ADGRE5: variants seen among roughly 807,000 people sequenced by gnomAD.
ADGRE5 encodes adhesion G protein-coupled receptor E5, also known as CD97 molecule.
A neutral mutation model predicts 100.3 loss-of-function variants in ADGRE5; 72 were observed. That is an observed-to-expected ratio of 0.72 (90% CI 0.59 to 0.87). The LOEUF (loss-of-function observed/expected upper bound fraction) is 0.87, where lower values mean the gene tolerates loss of function less well. Ranked by LOEUF, ADGRE5 falls within the 40% of genes least tolerant of loss-of-function variation. The pLI, the probability that ADGRE5 is intolerant of heterozygous loss-of-function variation, is 0.00. For synonymous variants in ADGRE5, 439 were observed against 447.8 expected (o/e 0.98, Z 0.25); for missense variants, 959 against 1,094.7 (o/e 0.88, Z 1.75).
At position 14,407,084 on chromosome 19, in the gene ADGRE5, C is replaced by A; in HGVS notation, c.2231C>A (p.Ala744Glu). ...AGGGCGCTGACCATCACGGCCATCG[C>A]GCAGCTCTTCCTGTTGGGCTGCACC... ...KARALTITAI[A>E]QLFLLGCTWV... Residue 744 changes from alanine to glutamate, a missense_variant, in exon 18 of 20, where the codon GCG (alanine) becomes GAG (glutamate). This residue lies in a region of ADGRE5 where 428 missense variants were observed against 386.2 expected (regional missense o/e 1.11). Coordinates refer to ENST00000242786, the MANE Select transcript of ADGRE5 (RefSeq NM_078481.4). 1 of 1,614,146 alleles carries A rather than the reference C, an allele frequency of 6.2e-7. No homozygotes were observed. Among genetic ancestry groups the A allele is most frequent in the East Asian group, 2.2e-5 (1 of 44,884 alleles).
At chr19:14,402,503 G>A (rs907940293) in intron 11 of ADGRE5, 94 bp from the exon 12 acceptor site, 2 of 1,308,252 alleles carry the variant, frequency 1.5e-6, no homozygotes, top group Non-Finnish European at 2.2e-6. Flanking sequence ...CATCGTGGTG[G>A]ACTGGCTGAG....
At chr19:14,386,498 C>G (rs1378196263) in intron 1 of ADGRE5, 2 of 149,796 alleles carry the variant, frequency 1.3e-5, no homozygotes, top group African/African-American at 4.9e-5. Context: ...AGACTACCAT[C>G]CTGGCTAACA....
At position 14,407,211 on chromosome 19, in the gene ADGRE5, C is replaced by T; in HGVS notation, c.2358C>T (p.His786=). 1.2e-6 allele frequency: 2 copies of T among 1,614,060 alleles called. No individual in the cohort carries two copies. The highest frequency in any genetic ancestry group is 1.7e-6 in the Non-Finnish European group (2 of 1,179,994). The change falls in exon 18 of 20, where the codon CAC becomes CAT. Residue 786 remains histidine, a synonymous_variant. Coordinates refer to ENST00000242786, the MANE Select transcript of ADGRE5 (RefSeq NM_078481.4). ...AGGGCGCCTTCCTCTACCTGCTGCA[C>T]TGCCTGCTCAACAAGAAGGTGGGGG... ...CLQGAFLYLL[H]CLLNKKVREE... is the part of the protein sequence containing the mutation.
chr19:14,398,445 A>G (rs1975870463), intron 9 of ADGRE5: 3 of 336,724 alleles, frequency 8.9e-6, no homozygotes, highest in African/African-American at 4.2e-5. Flanking sequence ...CGAGGTGGGC[A>G]GATCACGCGG....
At chr19:14,405,464 G>A (rs1034923808) in intron 13 of ADGRE5, 44 of 378,116 alleles carry the variant, frequency 1.2e-4, no homozygotes, top group Non-Finnish European at 1.0e-4. Flanking sequence ...CTTTCTGTAC[G>A]TGACTTCAGT....
intron 6 of ADGRE5, 30 bp downstream of exon 6, chr19:14,397,253 G>T (rs375453281): frequency 6.2e-7 from 1 of 1,613,828 alleles, no homozygotes; most frequent in African/African-American, 1.3e-5. Flanking sequence ...CGTTTCTAGC[G>T]ACCCACAAAC....
intron 4 of ADGRE5, among the ~76,000 whole-genome samples, chr19:14,394,045 G>A (rs567075436): frequency 8.5e-5 from 13 of 152,242 alleles, no homozygotes; most frequent in African/African-American, 2.9e-4. Flanking sequence ...TAGGGGTGCC[G>A]CCCACCCACT....
In ADGRE5 at chr19:14,406,670, C is replaced by T. The variant is rs769972890; in HGVS notation, c.2049-30C>T. On this transcript the variant is annotated intron_variant, in intron 15 of 19. Coordinates refer to ENST00000242786, the MANE Select transcript of ADGRE5 (RefSeq NM_078481.4). This position sits in a 1 kb window ranked among gnomAD's most constrained non-coding sequence, Gnocchi z 6.0. ...CCGTTCCGCTCCTGGCTTCCTGGGG[C>T]ACTGATGGGACCCCTCCCTTCCCTC... 1.9e-6 allele frequency: 3 copies of T among 1,612,272 alleles called. No homozygotes were observed. Among genetic ancestry groups the T allele is most frequent in the East Asian group, 2.2e-5 (1 of 44,846 alleles).
chr19:14,385,871 G>A (rs2146344907), intron 1 of ADGRE5, among the ~76,000 whole-genome samples: 1 of 151,450 alleles, frequency 6.6e-6, no homozygotes, highest in South Asian at 2.1e-4. Context: ...CTTAGTTCAA[G>A]CGATTCTCAA....
intron 12 of ADGRE5, 97 bp downstream of exon 12, chr19:14,402,959 CTT>C: frequency 1.6e-6 from 2 of 1,225,136 alleles, no homozygotes; most frequent in South Asian, 1.4e-5. Context: ...GTGACTCAGT[CTT>C]TTATGTTTCT....
In ADGRE5 at chr19:14,408,105, C is replaced by T. The variant is rs750501079; in HGVS notation, c.2492C>T (p.Ser831Leu). 1 of 1,613,620 alleles carries T rather than the reference C, an allele frequency of 6.2e-7. No individual in the cohort carries two copies. The highest frequency in any genetic ancestry group is 8.5e-7 in the Non-Finnish European group (1 of 1,180,004). Residue 831 changes from serine (S) to leucine (L), a missense_variant, in exon 20 of 20, where the codon TCA (serine) becomes TTA (leucine). By Grantham distance (145) the Ser-to-Leu change is moderately radical. Transcript: ENST00000242786. Reference protein sequence around the residue: ...GHNQTRALRASESGI With the variant: ...GHNQTRALRALESGI Reference sequence around the variant, plus strand: ...TCTCCTCTCCAGGCCCTCAGGGCATCAGAGTCCGGCATATGAAGGCGCATG... The same window carrying T: ...TCTCCTCTCCAGGCCCTCAGGGCATTAGAGTCCGGCATATGAAGGCGCATG...
intron 1 of ADGRE5, 120 bp downstream of exon 1, chr19:14,381,665 T>C: frequency 2.4e-6 from 3 of 1,228,452 alleles, no homozygotes; most frequent in Non-Finnish European, 2.2e-6. Flanking sequence ...GGAAGCCACA[T>C]GGTCAAGCAG....
chr19:14,405,565 A>G, intron 13 of ADGRE5, 183 bp from the exon 14 acceptor site: 2 of 565,220 alleles, frequency 3.5e-6, no homozygotes, highest in Non-Finnish European at 6.2e-6. Context: ...AGGCCCAGCA[A>G]GCACAAAAAT....
At chr19:14,398,575 T>C (rs1389902949) in intron 9 of ADGRE5, among the ~76,000 whole-genome samples, 1 of 148,150 alleles carries the variant, frequency 6.7e-6, no homozygotes, top group Non-Finnish European at 1.5e-5. Flanking sequence ...CTCAGCAGGC[T>C]GAGGCAGGAC....
intron 12 of ADGRE5, 52 bp from the exon 13 acceptor site, chr19:14,404,331 C>T: frequency 1.3e-6 from 2 of 1,548,574 alleles, no homozygotes; most frequent in Non-Finnish European, 1.7e-6. Context: ...AAGCCCAGGA[C>T]CTAAGAGTGA....
Position 14,397,194 on chromosome 19 carries a change from C to T in ADGRE5, c.596C>T (p.Pro199Leu). Residue 199 changes from proline (P) to leucine (L), a missense_variant, in exon 6 of 20, where the codon CCC (proline) becomes CTC (leucine). This residue lies in a region of ADGRE5 where 83 missense variants were observed against 88.8 expected (regional missense o/e 0.93). Coordinates refer to ENST00000242786, the MANE Select transcript of ADGRE5 (RefSeq NM_078481.4). ...RPGWQPIPGSPNGPNNTVCED... is the reference protein window; with the variant it reads ...RPGWQPIPGSLNGPNNTVCED... ...GGCTGGCAACCGATTCCGGGGTCCC[C>T]CAATGGCCCAAACAATACCGTCTGT... 6.2e-7 allele frequency: 1 copy of T among 1,614,076 alleles called. No homozygotes were observed. Among genetic ancestry groups the T allele is most frequent in the Non-Finnish European group, 8.5e-7 (1 of 1,180,016 alleles).
intron 2 of ADGRE5, 36 bp from the exon 3 acceptor site, chr19:14,388,666 C>T (rs750019355): frequency 6.2e-7 from 1 of 1,609,274 alleles, no homozygotes; most frequent in Non-Finnish European, 8.5e-7. Flanking sequence ...TATTCCCTTA[C>T]CCCTCACCTT....
chr19:14,401,874 C>A lies in ADGRE5; in HGVS notation c.1183+114C>A. The stretch of plus-strand genomic sequence containing the variant: ...GACTGGGCGCGGTGGCTCACGCCTG[C>A]AATCCCAGCATTTTGGGAGGCCCAG... On this transcript the variant is annotated intron_variant, in intron 11 of 19. Coordinates refer to ENST00000242786, the MANE Select transcript of ADGRE5 (RefSeq NM_078481.4). This position sits in a 1 kb window ranked among gnomAD's most constrained non-coding sequence, Gnocchi z 4.1. The A allele has an allele frequency of 1.6e-6, 1 of 631,598 alleles. No homozygotes were observed. The highest frequency in any genetic ancestry group is 2.9e-5 in the South Asian group (1 of 34,886). 39.1% of individuals were successfully genotyped at this position (631,598 alleles called of 1,614,324 possible). A position where few individuals can be genotyped will look rare whatever the true frequency, so the allele number is the denominator to read the frequency against.
intron 4 of ADGRE5, among the ~76,000 whole-genome samples, chr19:14,395,551 C>T (rs1194723719): frequency 6.6e-6 from 1 of 152,224 alleles, no homozygotes; most frequent in African/African-American, 2.4e-5. Flanking sequence ...TCTGCCACCC[C>T]TCACCCATCG....
Sources: gnomAD v4.1 joint callset for allele counts (sites outside exome capture counted in the v4.1 genomes callset) on GRCh38, gnomAD v4.1.1 for gene constraint, gnomAD v4.1.1 regional missense constraint, Gnocchi (gnomAD v3.1) non-coding constraint, MANE v1.5 for transcripts, NCBI Gene and HGNC (gene_info 2026-07-23, HGNC 2026-07-21) for gene names.